The following PDE11A variants were observed in gnomAD, a reference collection of about 807,000 sequenced individuals.
PDE11A encodes the protein phosphodiesterase 11A.
Under a neutral mutation model 100.5 loss-of-function variants are expected in PDE11A, and 100 were observed. The observed-to-expected ratio is 1.00, with a 90% CI of 0.85 to 1.18. PDE11A has a LOEUF of 1.18. PDE11A is among the 50% of genes most tolerant of loss of function. The pLI is 0.00. For missense variants in PDE11A, 1,141 were observed against 1,152.6 expected, an observed-to-expected ratio of 0.99 and a Z score of 0.15; for synonymous variants, 381 against 420.8, an observed-to-expected ratio of 0.91 and a Z score of 1.16.
At chr2:177,662,596 G>A (rs1017161697) in intron 19 of PDE11A, among the ~76,000 whole-genome samples, 2 of 152,138 alleles carry the variant, frequency 1.3e-5, no homozygotes, top group Non-Finnish European at 2.9e-5. Context: ...GAAGAAAAAA[G>A]AGTTGAGGAT....
intron 10 of PDE11A, among the ~76,000 whole-genome samples, chr2:177,749,425 C>T (rs2081998017): frequency 6.6e-6 from 1 of 151,992 alleles, no homozygotes; most frequent in Non-Finnish European, 1.5e-5. Flanking sequence ...ATATATTGTC[C>T]TTTTTTATAC....
At chr2:177,631,304 A>AC (rs369549629) in intron 19 of PDE11A, among the ~76,000 whole-genome samples, 94,267 of 128,068 alleles carry the variant, frequency 0.74, 37,069 homozygotes, top group East Asian at 0.88. Flanking sequence ...AAAAAAAAAA[A>AC]AAAAAACAAA....
upstream of PDE11A, among the ~76,000 whole-genome samples, chr2:178,076,956 G>T (rs2087214929): frequency 6.7e-6 from 1 of 149,270 alleles, no homozygotes; most frequent in South Asian, 2.2e-4. Context: ...TAATTTTCCA[G>T]TTCCTCTTTA....
chr2:177,861,270 CTG>C (rs1327381755), intron 5 of PDE11A, among the ~76,000 whole-genome samples: 2 of 151,638 alleles, frequency 1.3e-5, no homozygotes, highest in Non-Finnish European at 3.0e-5. Context: ...CAAAACTCAG[CTG>C]TATTTCTACA....
intron 2 of PDE11A, among the ~76,000 whole-genome samples, chr2:177,981,072 A>G (rs962113967): frequency 7.3e-5 from 11 of 150,034 alleles, no homozygotes; most frequent in African/African-American, 2.4e-4. Context: ...TCCTTCACTT[A>G]ATAGCTGTGT....
intron 2 of PDE11A, among the ~76,000 whole-genome samples, chr2:178,081,821 T>C (rs2087288600): frequency 6.6e-6 from 1 of 152,256 alleles, no homozygotes; most frequent in African/African-American, 2.4e-5. Flanking sequence ...AAGTTATCAT[T>C]TCCACACTTA....
chr2:177,753,273 T>A (rs1251220793), intron 10 of PDE11A, among the ~76,000 whole-genome samples: 1 of 152,226 alleles, frequency 6.6e-6, no homozygotes, highest in African/African-American at 2.4e-5. Flanking sequence ...TTATTTTTTC[T>A]TGTCTGTTTT....
At chr2:177,635,873 G>A (rs956788699) in intron 19 of PDE11A, among the ~76,000 whole-genome samples, 1 of 151,018 alleles carries the variant, frequency 6.6e-6, no homozygotes, top group East Asian at 1.9e-4. Context: ...ATTTTTTATG[G>A]CTATCTAGTA....
intron 6 of PDE11A, among the ~76,000 whole-genome samples, chr2:177,823,570 T>C (rs1344921): frequency 0.4 from 60,791 of 152,054 alleles, 14,995 homozygotes; most frequent in East Asian, 0.6. Context: ...TTAGGGAGAT[T>C]AACTGCCTTG....
chr2:178,088,085 G>A (rs911446536), intron 2 of PDE11A, among the ~76,000 whole-genome samples: 9 of 152,050 alleles, frequency 5.9e-5, no homozygotes, highest in South Asian at 4.2e-4. Context: ...ACATGATGGC[G>A]CCCCACTCTG....
At chr2:178,078,608 T>C (rs1359035330) in intron 2 of PDE11A, among the ~76,000 whole-genome samples, 1 of 152,176 alleles carries the variant, frequency 6.6e-6, no homozygotes, top group Non-Finnish European at 1.5e-5. Context: ...TTACATATTT[T>C]CTTCATCTTA....
chr2:177,755,704 C>T (rs1361107219), intron 10 of PDE11A, among the ~76,000 whole-genome samples: 2 of 152,202 alleles, frequency 1.3e-5, no homozygotes, highest in Non-Finnish European at 2.9e-5. Flanking sequence ...CTGATATTTT[C>T]CAAACTGGAA....
In PDE11A at chr2:177,830,324, G is replaced by A. The variant is rs938474964; in HGVS notation, c.1500+9927C>T. Among the ~76,000 whole-genome samples, 4 of 152,130 alleles carry A rather than the reference G, an allele frequency of 2.6e-5. No homozygotes were observed. In the East Asian group the frequency reaches 7.7e-4, roughly 29 times the overall value. ...TAATAATCAGTGTTGTTTTGGCTGG[G>A]CGCGGTAGCTCACGCCTGTAATCCT... On this transcript the variant is annotated intron_variant, in intron 6 of 19. Transcript: ENST00000286063.
At chr2:177,717,133 C>A (rs1037321662) in intron 12 of PDE11A, among the ~76,000 whole-genome samples, 9 of 152,170 alleles carry the variant, frequency 5.9e-5, no homozygotes, top group Non-Finnish European at 1.5e-5. Context: ...TGAAGTACAG[C>A]ACCCACACAC....
intron 2 of PDE11A, among the ~76,000 whole-genome samples, chr2:178,078,541 C>T (rs976038036): frequency 3.3e-5 from 5 of 151,958 alleles, no homozygotes; most frequent in Admixed American, 6.6e-5. Flanking sequence ...TCTTGGTGAA[C>T]GATAATGACC....
chr2:178,106,957 CA>C (rs575714643), intron 1 of PDE11A, among the ~76,000 whole-genome samples: 710 of 61,128 alleles, frequency 0.012, 2 homozygotes, highest in East Asian at 0.052. Flanking sequence ...AAGACTCTCT[CA>C]AAAAAAAAAA....
intron 6 of PDE11A, among the ~76,000 whole-genome samples, chr2:177,822,424 ACT>A (rs1199677181): frequency 2.0e-5 from 3 of 151,744 alleles, no homozygotes; most frequent in Admixed American, 2.0e-4. Flanking sequence ...CTGTTTCTGG[ACT>A]CTCTATTCTA....
intron 2 of PDE11A, among the ~76,000 whole-genome samples, chr2:178,005,122 AGG>A (rs1348869345): frequency 2.8e-5 from 4 of 145,372 alleles, no homozygotes; most frequent in African/African-American, 1.1e-4. Flanking sequence ...CCTTTACTCC[AGG>A]TGTTCACAGT....
chr2:177,789,961 T>C (rs2082604105), intron 9 of PDE11A, among the ~76,000 whole-genome samples: 1 of 151,392 alleles, frequency 6.6e-6, no homozygotes, highest in South Asian at 2.1e-4. Flanking sequence ...ATGGCCATAC[T>C]GCCCAAGGTA....
Sources: allele counts gnomAD v4.1 joint callset (sites outside exome capture counted in the v4.1 genomes callset), GRCh38; gene constraint gnomAD v4.1.1; transcripts MANE v1.5; gene names NCBI Gene and HGNC (gene_info 2026-07-23, HGNC 2026-07-21).